The following RCSD1 variants were observed in gnomAD, a reference collection of about 807,000 sequenced individuals.
RCSD1 encodes capZ-interacting protein.
In RCSD1, 26 loss-of-function variants were observed where a neutral mutation model predicts 42.5. The observed-to-expected ratio is 0.61, with a 90% confidence interval of 0.45 to 0.85. The LOEUF (loss-of-function observed/expected upper bound fraction) is 0.85. Ranked by LOEUF, RCSD1 falls within the 40% of genes least tolerant of loss-of-function variation. RCSD1 has a pLI of 0.00. For missense variants in RCSD1, 571 were observed against 528.3 expected (o/e 1.08, Z -0.79); for synonymous variants, 220 against 212.2 (o/e 1.04, Z -0.32).
rs913751287 is a variant in RCSD1 at position 167,708,409 on chromosome 1, C to T, written c.*3713C>T. Among the ~76,000 whole-genome samples, 5 of 152,226 alleles carry T rather than the reference C, an allele frequency of 3.3e-5. No homozygotes were observed. Among genetic ancestry groups the T allele is most frequent in the South Asian group, 2.1e-4 (1 of 4,814 alleles). Reference sequence around the variant, plus strand: ...AACTAGTTCTAGTCAAGTTTTTGCTCGATGGACCACGTGAAAAAAGGATAA... The same window carrying T: ...AACTAGTTCTAGTCAAGTTTTTGCTTGATGGACCACGTGAAAAAAGGATAA... On this transcript the variant is annotated 3_prime_UTR_variant, in exon 7 of 7. Transcript: ENST00000367854.
At chr1:167,683,598 T>TTGAGGAA (rs1219119584) in intron 1 of RCSD1, among the ~76,000 whole-genome samples, 1 of 152,146 alleles carries the variant, frequency 6.6e-6, no homozygotes, top group Non-Finnish European at 1.5e-5. Flanking sequence ...GGTGGGGTCC[T>TTGAGGAA]TGAGGAATGA....
Position 167,708,064 on chromosome 1 carries a change from T to C in RCSD1, c.*3368T>C, listed in dbSNP as rs1192303786. ...AGGGCTTATTCTTTCACCATTACTG[T>C]GGGGAAAAAGTCCTGTAGAGGCTTT... On this transcript the variant is annotated 3_prime_UTR_variant, in exon 7 of 7. Coordinates refer to ENST00000367854, the MANE Select transcript of RCSD1 (RefSeq NM_052862.4). 2.0e-5 allele frequency among the ~76,000 whole-genome samples: 3 copies of C among 152,160 alleles called. No homozygotes were observed. The highest frequency in any genetic ancestry group is 2.1e-4 in the South Asian group (1 of 4,836).
chr1:167,660,608 G>T (rs77947718), intron 1 of RCSD1, among the ~76,000 whole-genome samples: 2,028 of 152,106 alleles, frequency 0.013, 48 homozygotes, highest in African/African-American at 0.047. Flanking sequence ...GAATATGTAG[G>T]ACTATAGGTG....
intron 1 of RCSD1, among the ~76,000 whole-genome samples, chr1:167,655,686 AGCAGGAAGCCC>A (rs962070079): frequency 1.3e-5 from 2 of 152,110 alleles, no homozygotes; most frequent in Admixed American, 1.3e-4. Context: ...AGATTAGGAG[AGCAGGAAGCCC>A]TTGGTCTCCA....
intron 1 of RCSD1, among the ~76,000 whole-genome samples, chr1:167,675,935 G>A (rs1194736201): frequency 6.6e-6 from 1 of 152,136 alleles, no homozygotes; most frequent in Admixed American, 6.6e-5. Context: ...GAGAAGATTA[G>A]ACATCTAGGA....
intron 5 of RCSD1, among the ~76,000 whole-genome samples, chr1:167,696,681 G>A (rs1158556843): frequency 6.6e-6 from 1 of 151,970 alleles, no homozygotes; most frequent in East Asian, 1.9e-4. Flanking sequence ...TTGAACTCCT[G>A]AGCTCAAGCG....
chr1:167,638,704 G>T (rs1371445359), intron 1 of RCSD1, among the ~76,000 whole-genome samples: 1 of 152,208 alleles, frequency 6.6e-6, no homozygotes, highest in Non-Finnish European at 1.5e-5. Flanking sequence ...AAAGACTTCT[G>T]AAAGGCCCCA....
chr1:167,633,662 C>T (rs927913704), intron 1 of RCSD1: 6 of 152,152 alleles, frequency 3.9e-5, no homozygotes, highest in Non-Finnish European at 7.3e-5. Flanking sequence ...CCATCTGCAA[C>T]TCTTGAAGGC....
chr1:167,682,096 C>G (rs1179685090), intron 1 of RCSD1, among the ~76,000 whole-genome samples: 1 of 151,972 alleles, frequency 6.6e-6, no homozygotes, highest in Non-Finnish European at 1.5e-5. Context: ...GGGTACCTGT[C>G]TTTTCCTCCA....
At chr1:167,667,519 G>A (rs1172689619) in intron 1 of RCSD1, among the ~76,000 whole-genome samples, 1 of 152,204 alleles carries the variant, frequency 6.6e-6, no homozygotes, top group African/African-American at 2.4e-5. Context: ...TATTTTTGAT[G>A]TGTCATGTTC....
chr1:167,687,166 T>C (rs1659254082), intron 3 of RCSD1, among the ~76,000 whole-genome samples: 1 of 152,070 alleles, frequency 6.6e-6, no homozygotes, highest in Non-Finnish European at 1.5e-5. Context: ...CTGCCTGGAG[T>C]GACAGGCTGC....
intron 1 of RCSD1, among the ~76,000 whole-genome samples, chr1:167,671,640 T>C (rs1417297452): frequency 1.3e-5 from 2 of 152,226 alleles, no homozygotes; most frequent in Non-Finnish European, 2.9e-5. Flanking sequence ...ATAGTTGCAA[T>C]GGCCTCTAGA....
chr1:167,674,977 T>C (rs1011613261), intron 1 of RCSD1, among the ~76,000 whole-genome samples: 21 of 151,922 alleles, frequency 1.4e-4, no homozygotes, highest in Admixed American at 1.4e-3. Flanking sequence ...GAGGCTGAGG[T>C]GGGTGAATCA....
intron 1 of RCSD1, among the ~76,000 whole-genome samples, chr1:167,634,260 A>G (rs1657774818): frequency 6.6e-6 from 1 of 152,120 alleles, no homozygotes; most frequent in African/African-American, 2.4e-5. Context: ...CAGCCTCCCT[A>G]ACTGTCACCC....
chr1:167,680,680 C>T (rs1400029539), intron 1 of RCSD1, among the ~76,000 whole-genome samples: 1 of 152,044 alleles, frequency 6.6e-6, no homozygotes, highest in Non-Finnish European at 1.5e-5. Flanking sequence ...TCTTTATTGC[C>T]CAGTCTGGTC....
chr1:167,682,563 A>G (rs1659107628), intron 1 of RCSD1, among the ~76,000 whole-genome samples: 1 of 152,110 alleles, frequency 6.6e-6, no homozygotes, highest in Non-Finnish European at 1.5e-5. Context: ...CCTTGCTCCA[A>G]GGGGACAGCA....
At chr1:167,696,195 G>A (rs1039496126) in intron 5 of RCSD1, among the ~76,000 whole-genome samples, 6 of 151,950 alleles carry the variant, frequency 3.9e-5, no homozygotes, top group Non-Finnish European at 7.4e-5. Flanking sequence ...CCCTCTTCTC[G>A]GTGCGATTCA....
chr1:167,650,089 T>C (rs189100885), intron 1 of RCSD1, among the ~76,000 whole-genome samples: 189 of 152,244 alleles, frequency 1.2e-3, no homozygotes, highest in African/African-American at 4.1e-3. Flanking sequence ...GGCACAAGAT[T>C]TGGGGGCCTC....
chr1:167,662,128 T>G (rs1658553613), intron 1 of RCSD1, among the ~76,000 whole-genome samples: 1 of 152,222 alleles, frequency 6.6e-6, no homozygotes, highest in Non-Finnish European at 1.5e-5. Context: ...CCCTGCTTCC[T>G]GCCTTGACCC....
Sources: gnomAD v4.1 joint callset for allele counts (sites outside exome capture counted in the v4.1 genomes callset) on GRCh38, gnomAD v4.1.1 for gene constraint, MANE v1.5 for transcripts, NCBI Gene and HGNC (gene_info 2026-07-23, HGNC 2026-07-21) for gene names.